FOXK1: variants seen among roughly 807,000 people sequenced by gnomAD.
FOXK1 encodes forkhead box protein K1.
FOXK1 carries 19 observed loss-of-function variants against 51.9 expected under a neutral mutation model. The observed-to-expected ratio is 0.37, with a 90% CI of 0.26 to 0.54. The LOEUF (loss-of-function observed/expected upper bound fraction) is 0.54. Among genes scored for constraint, FOXK1 ranks in the 20% least tolerant of loss-of-function variants. The probability of loss-of-function intolerance (pLI) is 0.87; values close to 1 mark genes in which losing one functional copy is unlikely to be tolerated. For synonymous variants in FOXK1, 537 were observed against 482.6 expected, an observed-to-expected ratio of 1.11 and a Z score of -1.48; for missense variants, 870 against 1,032.7, an observed-to-expected ratio of 0.84 and a Z score of 2.16.
rs2115063760 is a variant in FOXK1 at position 4,745,030 on chromosome 7, T to C, written c.746+4007T>C. Reference sequence around the variant, plus strand: ...CAAGATACTTTTCAGTTTGAGTTTCTGCTGTAGGGTGGAGCCGGCGTGTTT... The same window carrying C: ...CAAGATACTTTTCAGTTTGAGTTTCCGCTGTAGGGTGGAGCCGGCGTGTTT... On this transcript the variant is annotated intron_variant, in intron 2 of 8. Coordinates refer to ENST00000328914, the MANE Select transcript of FOXK1 (RefSeq NM_001037165.2). This position sits in a 1 kb window ranked among gnomAD's most constrained non-coding sequence, Gnocchi z 4.3. Among the ~76,000 whole-genome samples, 1 of 152,350 alleles carries C rather than the reference T, an allele frequency of 6.6e-6. No homozygotes were observed. The highest frequency in any genetic ancestry group is 2.1e-4 in the South Asian group (1 of 4,830).
At chr7:4,688,226 A>G (rs1024316523) in intron 1 of FOXK1, among the ~76,000 whole-genome samples, 2 of 146,962 alleles carry the variant, frequency 1.4e-5, no homozygotes, top group Admixed American at 6.8e-5. Context: ...TACTTTGTCT[A>G]TAAATATTTC....
intron 1 of FOXK1, among the ~76,000 whole-genome samples, chr7:4,697,707 C>T (rs1779970729): frequency 1.4e-5 from 2 of 142,726 alleles, no homozygotes; most frequent in Non-Finnish European, 3.0e-5. Context: ...TTATTATTTT[C>T]TAAAGGTTAG....
Position 4,761,071 on chromosome 7 carries a change from G to A in FOXK1, c.1704G>A (p.Glu568=). 1 of 1,611,624 alleles carries A rather than the reference G, an allele frequency of 6.2e-7. No homozygotes were observed. Among genetic ancestry groups the A allele is most frequent in the Non-Finnish European group, 8.5e-7 (1 of 1,178,678 alleles). ...TTGGTTCCTGTCCCGCAGGCCTGGA[G>A]GAGAAACCCACCATTGCGTTTGCCA... ...LDLGSEARGL[E]EKPTIAFATI... is the part of the protein sequence containing the mutation. The change falls in exon 8 of 9, where the codon GAG becomes GAA. Residue 568 remains glutamate, a synonymous_variant. Transcript: ENST00000328914. This position sits in a 1 kb window ranked among gnomAD's most constrained non-coding sequence, Gnocchi z 6.2.
intron 1 of FOXK1, among the ~76,000 whole-genome samples, chr7:4,705,514 T>TC (rs1780072515): frequency 7.4e-6 from 1 of 134,262 alleles, no homozygotes; most frequent in African/African-American, 2.9e-5. Context: ...CATTTCCTTC[T>TC]CTTTCTCTCT....
intron 1 of FOXK1, among the ~76,000 whole-genome samples, chr7:4,714,070 C>T (rs1389500126): frequency 6.6e-6 from 1 of 152,172 alleles, no homozygotes; most frequent in Non-Finnish European, 1.5e-5. Flanking sequence ...GGGTGATCCA[C>T]CCACCTCAGC....
chr7:4,721,799 C>G (rs1780316505), intron 1 of FOXK1, among the ~76,000 whole-genome samples: 1 of 151,920 alleles, frequency 6.6e-6, no homozygotes, highest in South Asian at 2.1e-4. Context: ...CCGTATTGAC[C>G]AGGCTGGTCT....
At chr7:4,718,255 C>T (rs114875765) in intron 1 of FOXK1, among the ~76,000 whole-genome samples, 2,448 of 152,310 alleles carry the variant, frequency 0.016, 63 homozygotes, top group African/African-American at 0.056. Flanking sequence ...TGTGGCTCTG[C>T]GACCGCCACC....
At position 4,745,600 on chromosome 7, in the gene FOXK1, T is replaced by A. The variant is rs114528622; in HGVS notation, c.746+4577T>A. Among the ~76,000 whole-genome samples, 1,107 of 152,282 alleles carry A rather than the reference T, an allele frequency of 7.3e-3. 15 individuals are homozygous for A. Among genetic ancestry groups the A allele is most frequent in the African/African-American group, 0.025 (1,045 of 41,546 alleles). On this transcript the variant is annotated intron_variant, in intron 2 of 8. Transcript: ENST00000328914. The surrounding 1 kb of genome is among the most constrained non-coding windows in gnomAD (Gnocchi z 4.3). Reference sequence around the variant, plus strand: ...GAAGTTTGACCTTTTCTTTCCTTTTTGCAAAGAAGGATTTTTACAGGCCAG... The same window carrying A: ...GAAGTTTGACCTTTTCTTTCCTTTTAGCAAAGAAGGATTTTTACAGGCCAG...
chr7:4,743,677 A>G lies in FOXK1; in HGVS notation c.746+2654A>G, dbSNP rs76199481. Among the ~76,000 whole-genome samples, 3,522 of 152,304 alleles carry G rather than the reference A, an allele frequency of 0.023. 119 individuals are homozygous for G. The highest frequency in any genetic ancestry group is 0.08 in the African/African-American group (3,310 of 41,554). On this transcript the variant is annotated intron_variant, in intron 2 of 8. Coordinates refer to ENST00000328914, the MANE Select transcript of FOXK1 (RefSeq NM_001037165.2). The surrounding 1 kb of genome is among the most constrained non-coding windows in gnomAD (Gnocchi z 5.3). Reference sequence around the variant, plus strand: ...AAAGGCGCTGTAGAAATGGTGGCCAAGACCAGCTCACGTGCTAGTGGAAGC... The same window carrying G: ...AAAGGCGCTGTAGAAATGGTGGCCAGGACCAGCTCACGTGCTAGTGGAAGC...
chr7:4,725,807 C>G (rs1780374369), intron 1 of FOXK1, among the ~76,000 whole-genome samples: 1 of 152,200 alleles, frequency 6.6e-6, no homozygotes, highest in African/African-American at 2.4e-5. Flanking sequence ...GGGATCCAGG[C>G]AAGGTGCCTG....
intron 1 of FOXK1, among the ~76,000 whole-genome samples, chr7:4,692,548 C>T (rs1583181015): frequency 6.7e-6 from 1 of 149,968 alleles, no homozygotes; most frequent in East Asian, 2.0e-4. Context: ...AGGCATGTGC[C>T]ACCACGCCCA....
intron 1 of FOXK1, among the ~76,000 whole-genome samples, chr7:4,739,113 T>C (rs1780596021): frequency 2.0e-5 from 3 of 152,172 alleles, no homozygotes. Context: ...TTACGTAGAT[T>C]GACTATTTAA....
chr7:4,718,244 G>A (rs150513956), intron 1 of FOXK1, among the ~76,000 whole-genome samples: 37 of 152,328 alleles, frequency 2.4e-4, no homozygotes, highest in African/African-American at 6.3e-4. Context: ...ATCTCATCCC[G>A]TGTGGCTCTG....
At chr7:4,685,099 C>T (rs943511935) in intron 1 of FOXK1, among the ~76,000 whole-genome samples, 4 of 151,708 alleles carry the variant, frequency 2.6e-5, no homozygotes, top group African/African-American at 9.7e-5. Flanking sequence ...TTGACTTCAC[C>T]TGCACATGTG....
At chr7:4,692,371 A>ATTTT (rs1779903749) in intron 1 of FOXK1, among the ~76,000 whole-genome samples, 1 of 152,164 alleles carries the variant, frequency 6.6e-6, no homozygotes, top group Non-Finnish European at 1.5e-5. Flanking sequence ...GACCTCACTA[A>ATTTT]AACCTGACAA....
chr7:4,726,193 G>A (rs1780379201), intron 1 of FOXK1, among the ~76,000 whole-genome samples: 1 of 152,106 alleles, frequency 6.6e-6, no homozygotes, highest in Non-Finnish European at 1.5e-5. Flanking sequence ...GGGACAGGAG[G>A]CTTCCGTGTG....
chr7:4,686,147 C>T (rs1779815175), intron 1 of FOXK1, among the ~76,000 whole-genome samples: 3 of 152,138 alleles, frequency 2.0e-5, no homozygotes, highest in Admixed American at 2.0e-4. Flanking sequence ...ATTGCCACTG[C>T]TACTGGAAAT....
rs986757264 is a variant in FOXK1, at chr7:4,735,693, G to T, written c.561-5145G>T. On this transcript the variant is annotated intron_variant, in intron 1 of 8. Transcript: ENST00000328914. This position sits in a 1 kb window ranked among gnomAD's most constrained non-coding sequence, Gnocchi z 4.7. ...CACACTTAACCTTAGCGGAATCTCC[G>T]CCGGTCAAGACCGGCAGTGTGTGTG... 6.6e-6 allele frequency among the ~76,000 whole-genome samples: 1 copy of T among 152,166 alleles called. No individual in the cohort carries two copies. The highest frequency in any genetic ancestry group is 1.5e-5 in the Non-Finnish European group (1 of 68,030).
At position 4,756,961 on chromosome 7, in the gene FOXK1, T is replaced by G. The variant is rs77906081; in HGVS notation, c.1051-33T>G. The G allele has an allele frequency of 1.1e-3, 1,800 of 1,604,594 alleles. 17 individuals carry two copies. In the African/African-American group the frequency reaches 0.021, roughly 18 times the overall value. ...GGGTGGGACTCATTTTCTGATTTGCTGGTGATGGGTGAATATCTCTGCTTC... is the reference window on the plus strand; with the variant it reads ...GGGTGGGACTCATTTTCTGATTTGCGGGTGATGGGTGAATATCTCTGCTTC... On this transcript the variant is annotated intron_variant, in intron 4 of 8. Coordinates refer to ENST00000328914, the MANE Select transcript of FOXK1 (RefSeq NM_001037165.2). The surrounding 1 kb of genome is among the most constrained non-coding windows in gnomAD (Gnocchi z 4.1).
Sources: gnomAD v4.1 joint callset for allele counts (sites outside exome capture counted in the v4.1 genomes callset) on GRCh38, gnomAD v4.1.1 for gene constraint, Gnocchi (gnomAD v3.1) non-coding constraint, MANE v1.5 for transcripts, NCBI Gene and HGNC (gene_info 2026-07-23, HGNC 2026-07-21) for gene names.